MSTO1: variants seen among roughly 807,000 people sequenced by gnomAD.
MSTO1 encodes the protein misato mitochondrial distribution and morphology regulator 1.
MSTO1 carries 24 observed loss-of-function variants against 55.7 expected under a neutral mutation model. That is an observed-to-expected ratio of 0.43 (90% CI 0.31 to 0.61). The LOEUF (loss-of-function observed/expected upper bound fraction) is 0.61. Among genes scored for constraint, MSTO1 ranks in the 20% least tolerant of loss-of-function variants. The pLI is 0.09. For missense variants in MSTO1, 363 were observed against 625.7 expected (o/e 0.58, Z 4.48); for synonymous variants, 162 against 252.8 (o/e 0.64, Z 3.41).
chr1:155,567,308 ATTT>A, the MSTO1 span, among the ~76,000 whole-genome samples: 8 of 123,392 alleles, frequency 6.5e-5, no homozygotes, highest in East Asian at 4.6e-4. Flanking sequence ...AATTTTTGTA[ATTT>A]TTTTTTTTTT....
At chr1:155,613,989 A>G (rs1675089567) in intron 13 of MSTO1, 70 bp from the exon 14 acceptor site, 37 of 1,604,648 alleles carry the variant, frequency 2.3e-5, no homozygotes, top group Non-Finnish European at 3.0e-5. Context: ...GGACTTCCTT[A>G]TCAGTTTGGC....
At chr1:155,580,069 C>G in the MSTO1 span, among the ~76,000 whole-genome samples, 1 of 149,902 alleles carries the variant, frequency 6.7e-6, no homozygotes, top group Non-Finnish European at 1.5e-5. Context: ...GAGCAAGAGT[C>G]CATCTCAAAA....
chr1:155,574,473 T>G, the MSTO1 span, among the ~76,000 whole-genome samples: 8 of 152,282 alleles, frequency 5.3e-5, no homozygotes, highest in Admixed American at 2.6e-4. Context: ...TATATATATA[T>G]AGACATATAT....
At chr1:155,589,752 G>T in the MSTO1 span, among the ~76,000 whole-genome samples, 1 of 151,732 alleles carries the variant, frequency 6.6e-6, no homozygotes, top group East Asian at 1.9e-4. Context: ...CAGCAAGTCG[G>T]CTCATCCTAC....
the MSTO1 span, among the ~76,000 whole-genome samples, chr1:155,586,303 T>C: frequency 6.7e-6 from 1 of 148,936 alleles, no homozygotes; most frequent in African/African-American, 2.5e-5. Context: ...TCGGCCTCCC[T>C]AAGTGCTGGG....
At chr1:155,568,640 A>G in the MSTO1 span, among the ~76,000 whole-genome samples, 5 of 151,370 alleles carry the variant, frequency 3.3e-5, no homozygotes, top group Non-Finnish European at 5.9e-5. Flanking sequence ...GGATTTCACT[A>G]TGTTGGCCAG....
At chr1:155,595,208 C>T in the MSTO1 span, among the ~76,000 whole-genome samples, 4 of 127,652 alleles carry the variant, frequency 3.1e-5, no homozygotes, top group African/African-American at 5.8e-5. Context: ...GATGGAGTCT[C>T]GGTCTGTCAC....
the MSTO1 span, among the ~76,000 whole-genome samples, chr1:155,568,475 G>A: frequency 0.04 from 5,999 of 149,372 alleles, 400 homozygotes; most frequent in African/African-American, 0.14. Context: ...GTCTCACTCT[G>A]TTGCCCAGGC....
the MSTO1 span, among the ~76,000 whole-genome samples, chr1:155,574,744 T>A: frequency 6.6e-6 from 1 of 152,096 alleles, no homozygotes; most frequent in Non-Finnish European, 1.5e-5. Context: ...TTTTTTTTAT[T>A]AGTAGTAGAG....
At chr1:155,613,026 C>T (rs765693510) in intron 10 of MSTO1, 23 bp from the exon 11 acceptor site, 51 of 1,613,782 alleles carry the variant, frequency 3.2e-5, no homozygotes, top group Non-Finnish European at 4.0e-5. Context: ...TGTCCTATAA[C>T]GTGTTCTCTT....
chr1:155,609,976 G>A, upstream of MSTO1: 1 of 480,872 alleles, frequency 2.1e-6, no homozygotes, highest in Non-Finnish European at 3.7e-6. Context: ...GTCAGCGGCG[G>A]AGACGGCGCC....
chr1:155,592,285 G>A, the MSTO1 span, among the ~76,000 whole-genome samples: 1 of 152,092 alleles, frequency 6.6e-6, no homozygotes, highest in Non-Finnish European at 1.5e-5. Flanking sequence ...GGGATACATC[G>A]CAACATGTAG....
chr1:155,581,874 A>T, the MSTO1 span, among the ~76,000 whole-genome samples: 1 of 148,364 alleles, frequency 6.7e-6, no homozygotes, highest in African/African-American at 2.5e-5. Flanking sequence ...GCTCACTACA[A>T]CCTCCGCATC....
upstream of MSTO1, among the ~76,000 whole-genome samples, chr1:155,605,270 C>T (rs1672920897): frequency 1.3e-5 from 2 of 151,714 alleles, no homozygotes; most frequent in South Asian, 4.2e-4. Context: ...CAAAACAAAA[C>T]AAAACAAAAC....
rs555857115 is a variant in MSTO1 at position 155,611,388 on chromosome 1, T to C, written c.366+97T>C. 2.5e-6 allele frequency: 4 copies of C among 1,609,862 alleles called. No individual in the cohort carries two copies. The South Asian group carries it at 4.4e-5, about 18-fold the overall frequency. ...GGGATTTTAATCATTTTAAGTGTCT[T>C]AGAATGATATTTTGGGAAAAAGCAC... On this transcript the variant is annotated intron_variant, in intron 4 of 13. Transcript: ENST00000245564.
upstream of MSTO1, among the ~76,000 whole-genome samples, chr1:155,607,676 A>G (rs538612267): frequency 3.3e-5 from 5 of 152,354 alleles, no homozygotes; most frequent in South Asian, 8.3e-4. Flanking sequence ...CAGAGTATCT[A>G]TAGAAACTTT....
chr1:155,599,050 C>T, the MSTO1 span: 242 of 507,462 alleles, frequency 4.8e-4, no homozygotes, highest in Non-Finnish European at 7.6e-4. Context: ...TGGCTCATGC[C>T]TGTAATCCCA....
chr1:155,580,642 G>A, the MSTO1 span, among the ~76,000 whole-genome samples: 1 of 152,076 alleles, frequency 6.6e-6, no homozygotes, highest in African/African-American at 2.4e-5. Flanking sequence ...AATTTGGCCA[G>A]GTGCGGTGGC....
the MSTO1 span, among the ~76,000 whole-genome samples, chr1:155,593,812 C>T: frequency 6.6e-6 from 1 of 151,850 alleles, no homozygotes; most frequent in Non-Finnish European, 1.5e-5. Context: ...ACTAAAAATA[C>T]AAAAAAACTA....
Sources: allele counts gnomAD v4.1 joint callset (sites outside exome capture counted in the v4.1 genomes callset), GRCh38; gene constraint gnomAD v4.1.1; transcripts MANE v1.5; gene names NCBI Gene and HGNC (gene_info 2026-07-23, HGNC 2026-07-21).